Variants in SHF observed in about 807,000 individuals in gnomAD.
SHF encodes the protein SH2 domain-containing adapter protein F.
SHF carries 30 observed loss-of-function variants against 42.4 expected under a neutral mutation model. The observed-to-expected ratio is 0.71, with a 90% CI of 0.53 to 0.96. The LOEUF (loss-of-function observed/expected upper bound fraction) is 0.96. Among genes scored for constraint, SHF ranks in the 40% least tolerant of loss-of-function variants. The pLI is 0.00. For synonymous variants in SHF, 264 were observed against 269.9 expected, an observed-to-expected ratio of 0.98 and a Z score of 0.21; for missense variants, 598 against 634.0, an observed-to-expected ratio of 0.94 and a Z score of 0.61.
At chr15:45,196,647 C>G (rs538471363) in intron 2 of SHF, among the ~76,000 whole-genome samples, 7 of 151,992 alleles carry the variant, frequency 4.6e-5, no homozygotes, top group Admixed American at 4.6e-4. Context: ...CCTGTAATCC[C>G]GGCACTTTGG....
exon 1 of SHF, chr15:45,201,031 T>G (rs967574434): frequency 5.7e-6 from 2 of 353,042 alleles, no homozygotes; most frequent in African/African-American, 4.3e-5. Flanking sequence ...CTCTTGCGGG[T>G]GAACGTGGGT....
chr15:45,189,632 C>A (rs1022833909), upstream of SHF, among the ~76,000 whole-genome samples: 2 of 151,988 alleles, frequency 1.3e-5, no homozygotes, highest in African/African-American at 4.8e-5. Flanking sequence ...TCAAGTGATT[C>A]CCCACCTCGG....
At position 45,167,260 on chromosome 15, in the gene SHF, CAG is replaced by C. The variant is rs1035410196; in HGVS notation, c.*685_*686del. The stretch of plus-strand genomic sequence containing the variant: ...GTCTGCTCCAGAGCTGATTTATACG[CAG>C]AATCTGCGCTCGCTTCTCCGCTCCC... On this transcript the variant is annotated 3_prime_UTR_variant, in exon 7 of 7. Transcript: ENST00000690270. 1.3e-5 allele frequency: 2 copies of C among 152,234 alleles called. No individual in the cohort carries two copies. The highest frequency in any genetic ancestry group is 4.8e-5 in the African/African-American group (2 of 41,460). 9.4% of individuals were successfully genotyped at this position (152,234 alleles called of 1,614,324 possible).
chr15:45,187,470 G>C lies in SHF; in HGVS notation c.482C>G (p.Pro161Arg), dbSNP rs1372890389. 1 of 1,232,472 alleles carries C rather than the reference G, an allele frequency of 8.1e-7. No homozygotes were observed. Among genetic ancestry groups the C allele is most frequent in the African/African-American group, 1.6e-5 (1 of 64,420 alleles). The allele number at this position is 1,232,472 out of a possible 1,614,324, so 76.3% of individuals were successfully genotyped here. Residue 161 changes from proline to arginine, a missense_variant, in exon 1 of 7, where the codon CCC becomes CGC. By Grantham distance (103) the Pro-to-Arg change is moderately radical. Transcript: ENST00000690270. ...GGCACTCACCCTATCGCTGCTGGCGGGGGGTCCGGAGATCCGCTCATCAGC... is the reference window on the plus strand; with the variant it reads ...GGCACTCACCCTATCGCTGCTGGCGCGGGGTCCGGAGATCCGCTCATCAGC... The part of the protein sequence containing the change: ...PPADERISGP[P>R]ASSDRLAILE...
intron 3 of SHF, chr15:45,174,144 C>A: frequency 5.0e-6 from 1 of 198,300 alleles, no homozygotes; most frequent in East Asian, 1.7e-4. Context: ...CTTTTCCCCA[C>A]AGCCTGGGAA....
chr15:45,189,389 C>CTTTT (rs11309833), upstream of SHF, among the ~76,000 whole-genome samples: 8 of 46,812 alleles, frequency 1.7e-4, no homozygotes, highest in East Asian at 7.4e-4. Flanking sequence ...TCATGTCTGC[C>CTTTT]TTTTTTTTTT....
At chr15:45,199,897 T>C (rs1253630631) in intron 1 of SHF, 1 of 124,436 alleles carries the variant, frequency 8.0e-6, no homozygotes, top group East Asian at 2.5e-4. Flanking sequence ...GAGGTTGCAG[T>C]GAGCCAAGAT....
exon 1 of SHF, chr15:45,200,922 T>A (rs1899069850): frequency 2.2e-6 from 1 of 451,780 alleles, no homozygotes; most frequent in Non-Finnish European, 4.4e-6. Context: ...CTCATAGGAA[T>A]CCTTTGGTTG....
Position 45,198,845 on chromosome 15 carries a change from TTC to T in SHF, c.228_229del (p.Lys77GlufsTer36). On this transcript the variant is annotated frameshift_variant, in exon 2 of 8. Transcript: ENST00000290894. LOFTEE classifies it high-confidence loss of function. ...TGTACTCCGCCAGTTGCTTTTCTTC[TTC>T]TGTTTTGGCCCATTAGCCACGGGCT... 2 of 1,613,996 alleles carry T rather than the reference TTC, an allele frequency of 1.2e-6. No individual in the cohort carries two copies. Among genetic ancestry groups the T allele is most frequent in the Middle Eastern group, 3.3e-4 (2 of 6,060 alleles).
At position 45,187,956 on chromosome 15, in the gene SHF, CCAG is replaced by C. The variant is rs1898555396; in HGVS notation, c.-8_-6del. The stretch of plus-strand genomic sequence containing the variant: ...AGGAGCTCCGCTCAGTAACATGGGG[CCAG>C]CCAGACTGAGCGAGGGGAGCGCAGC... On this transcript the variant is annotated 5_prime_UTR_variant, in exon 1 of 7. Coordinates refer to ENST00000690270, the MANE Select transcript of SHF (RefSeq NM_001394037.1). 8.5e-7 allele frequency: 1 copy of C among 1,172,460 alleles called. No homozygotes were observed. The allele number at this position is 1,172,460 out of a possible 1,614,324, so 72.6% of individuals were successfully genotyped here.
intron 2 of SHF, among the ~76,000 whole-genome samples, chr15:45,194,505 C>T (rs573393523): frequency 1.0e-3 from 155 of 152,162 alleles, no homozygotes; most frequent in African/African-American, 3.7e-3. Flanking sequence ...GTCCCTGCCA[C>T]CACACCCAGC....
upstream of SHF, among the ~76,000 whole-genome samples, chr15:45,188,385 CTA>C (rs1898587992): frequency 6.6e-6 from 1 of 152,190 alleles, no homozygotes; most frequent in Non-Finnish European, 1.5e-5. Context: ...AACTGGGAAA[CTA>C]TAATCTAGGA....
At chr15:45,170,099 A>C in intron 6 of SHF, 1 of 163,848 alleles carries the variant, frequency 6.1e-6, no homozygotes, top group Non-Finnish European at 1.3e-5. Flanking sequence ...GCAGGGCTCC[A>C]CTTTGGGAGC....
At chr15:45,186,490 G>GC (rs1265213262) in intron 1 of SHF, among the ~76,000 whole-genome samples, 2 of 152,272 alleles carry the variant, frequency 1.3e-5, no homozygotes. Context: ...AGCCAAGGCA[G>GC]CCCACAGAGT....
exon 2 of SHF, chr15:45,199,066 C>T (rs1898978486): frequency 6.3e-7 from 1 of 1,587,598 alleles, no homozygotes; most frequent in Non-Finnish European, 8.6e-7. Context: ...GTCCTCCCTC[C>T]TGCTGCATCC....
upstream of SHF, among the ~76,000 whole-genome samples, chr15:45,191,434 C>G (rs1379609383): frequency 6.6e-6 from 1 of 152,142 alleles, no homozygotes; most frequent in Non-Finnish European, 1.5e-5. Flanking sequence ...GTGATCCTCC[C>G]GCTTGGGCCT....
intron 1 of SHF, among the ~76,000 whole-genome samples, chr15:45,185,617 G>GT (rs1898350780): frequency 6.6e-6 from 1 of 152,212 alleles, no homozygotes; most frequent in African/African-American, 2.4e-5. Context: ...TCCTGTCCCT[G>GT]TAGCTGACAA....
intron 1 of SHF, among the ~76,000 whole-genome samples, chr15:45,180,784 T>C (rs1195820287): frequency 6.6e-6 from 1 of 152,196 alleles, no homozygotes; most frequent in Non-Finnish European, 1.5e-5. Context: ...GTTCCATGTC[T>C]TCCTGCAGAC....
At chr15:45,199,645 TC>T (rs1213483996) in intron 1 of SHF, among the ~76,000 whole-genome samples, 7 of 152,128 alleles carry the variant, frequency 4.6e-5, no homozygotes, top group African/African-American at 1.7e-4. Flanking sequence ...TTTCACTCAT[TC>T]AACTCAACAC....
Sources: gnomAD v4.1 joint callset for allele counts (sites outside exome capture counted in the v4.1 genomes callset) on GRCh38, gnomAD v4.1.1 for gene constraint, MANE v1.5 for transcripts, NCBI Gene and HGNC (gene_info 2026-07-23, HGNC 2026-07-21) for gene names.